Variants in CRTAC1 observed in about 807,000 individuals in gnomAD.
CRTAC1 encodes the protein cartilage acidic protein 1, also known as acidic secreted protein in cartilage.
CRTAC1 carries 37 observed loss-of-function variants against 67.8 expected under a neutral mutation model. That is an observed-to-expected ratio of 0.55 (90% CI 0.42 to 0.72). The LOEUF is 0.72. Ranked by LOEUF, CRTAC1 falls within the 30% of genes least tolerant of loss-of-function variation. CRTAC1 has a pLI of 0.00. For missense variants in CRTAC1, 780 were observed against 931.6 expected (o/e 0.84, Z 2.12); for synonymous variants, 348 against 371.0 (o/e 0.94, Z 0.71).
At chr10:97,868,179 T>G (rs951371639) in intron 14 of CRTAC1, 2 of 152,220 alleles carry the variant, frequency 1.3e-5, no homozygotes, top group Non-Finnish European at 2.9e-5. Context: ...CAGAGTTGTG[T>G]CTTGAATTTT....
Position 97,963,686 on chromosome 10 carries a change from T to G in CRTAC1, c.225-27320A>C, listed in dbSNP as rs553345138. 1.7e-4 allele frequency among the ~76,000 whole-genome samples: 26 copies of G among 152,390 alleles called. No individual in the cohort carries two copies. The South Asian group carries it at 3.1e-3, about 18-fold the overall frequency. On this transcript the variant is annotated intron_variant, in intron 2 of 14. Transcript: ENST00000370597. ...TCAGGAAGGTAGTATAATGCTTATT[T>G]GATTGTTATTGCTTGTTAGTACTAT...
At chr10:97,956,981 A>AT (rs56688088) in intron 2 of CRTAC1, among the ~76,000 whole-genome samples, 6,428 of 139,712 alleles carry the variant, frequency 0.046, 234 homozygotes, top group African/African-American at 0.11. Context: ...TAATACTTGT[A>AT]TTTTTTTTTT....
At chr10:97,917,715 C>A in intron 4 of CRTAC1, 59 bp from the exon 5 acceptor site, 2 of 1,378,650 alleles carry the variant, frequency 1.5e-6, no homozygotes, top group Non-Finnish European at 1.9e-6. Context: ...CCAGAAACCG[C>A]CCCCTCCCCA....
chr10:98,001,626 C>T (rs1842690146), intron 2 of CRTAC1, among the ~76,000 whole-genome samples: 1 of 152,098 alleles, frequency 6.6e-6, no homozygotes, highest in Admixed American at 6.5e-5. Context: ...AAAGAGATGT[C>T]AGTAAAATAC....
At chr10:98,012,829 C>T (rs922808778) in intron 1 of CRTAC1, among the ~76,000 whole-genome samples, 3 of 152,184 alleles carry the variant, frequency 2.0e-5, no homozygotes, top group Non-Finnish European at 4.4e-5. Context: ...AGTGTGTTCA[C>T]AGGGCACATG....
intron 14 of CRTAC1, chr10:97,878,806 A>G: frequency 2.3e-6 from 2 of 866,914 alleles, no homozygotes; most frequent in Non-Finnish European, 3.2e-6. Flanking sequence ...CATCTACATT[A>G]GGGAAACTGA....
At chr10:97,973,570 T>C (rs2051749501) in intron 2 of CRTAC1, among the ~76,000 whole-genome samples, 1 of 152,160 alleles carries the variant, frequency 6.6e-6, no homozygotes, top group Admixed American at 6.5e-5. Flanking sequence ...CCTTCCCCAC[T>C]GAAACTTTTC....
intron 2 of CRTAC1, among the ~76,000 whole-genome samples, chr10:97,936,824 A>G (rs534514125): frequency 6.5e-4 from 99 of 152,360 alleles, no homozygotes; most frequent in African/African-American, 2.4e-3. Context: ...GATGAGGTTT[A>G]TCAGGGAAAC....
chr10:97,922,798 G>A (rs2050859161), intron 4 of CRTAC1, among the ~76,000 whole-genome samples: 2 of 152,192 alleles, frequency 1.3e-5, no homozygotes, highest in Admixed American at 1.3e-4. Flanking sequence ...ACCCATCTAG[G>A]AACCCCTCCA....
chr10:97,956,154 A>G (rs536516284), intron 2 of CRTAC1, among the ~76,000 whole-genome samples: 2 of 152,356 alleles, frequency 1.3e-5, no homozygotes, highest in South Asian at 4.1e-4. Flanking sequence ...GTTCTTCCAC[A>G]TATTCCAAAA....
intron 2 of CRTAC1, among the ~76,000 whole-genome samples, chr10:98,010,498 T>A (rs1160866108): frequency 6.6e-6 from 1 of 152,178 alleles, no homozygotes; most frequent in Non-Finnish European, 1.5e-5. Context: ...CTCAAGGACA[T>A]AAAACTGGAA....
intron 1 of CRTAC1, among the ~76,000 whole-genome samples, chr10:98,016,852 C>T (rs57582782): frequency 0.042 from 6,393 of 151,238 alleles, 430 homozygotes; most frequent in African/African-American, 0.14. Context: ...ATAAAGAAAA[C>T]CTATTTATCT....
intron 2 of CRTAC1, among the ~76,000 whole-genome samples, chr10:97,967,051 G>A (rs1394243681): frequency 5.4e-5 from 8 of 148,500 alleles, no homozygotes; most frequent in African/African-American, 1.7e-4. Context: ...CGGCACCTAC[G>A]CAGGAGTAGG....
intron 2 of CRTAC1, among the ~76,000 whole-genome samples, chr10:98,005,100 A>ATATATTTTTTTTTTTTTTT: frequency 1.6e-4 from 8 of 48,882 alleles, no homozygotes; most frequent in Admixed American, 2.7e-4. Flanking sequence ...ATATATATAT[A>ATATATTTTTTTTTTTTTTT]TTTTTTTTTT....
chr10:97,991,065 A>C (rs1842441452), intron 2 of CRTAC1, among the ~76,000 whole-genome samples: 1 of 141,966 alleles, frequency 7.0e-6, no homozygotes, highest in Non-Finnish European at 1.5e-5. Context: ...GGAGTTTGAG[A>C]CCAATCTTGG....
At chr10:97,896,325 A>T (rs1214821492) in intron 9 of CRTAC1, among the ~76,000 whole-genome samples, 1 of 151,976 alleles carries the variant, frequency 6.6e-6, no homozygotes, top group Non-Finnish European at 1.5e-5. Flanking sequence ...TTGTCAATTT[A>T]CCAAGTGTTT....
chr10:97,876,979 G>T (rs1251483634), intron 14 of CRTAC1, among the ~76,000 whole-genome samples: 1 of 144,020 alleles, frequency 6.9e-6, no homozygotes, highest in Non-Finnish European at 1.5e-5. Flanking sequence ...TTTTGGTAAG[G>T]GGGTAGGTAA....
At position 97,865,611 on chromosome 10, in the gene CRTAC1, G is replaced by A. The variant is rs780609461; in HGVS notation, c.1923C>T (p.Val641=). 6.2e-7 allele frequency: 1 copy of A among 1,613,660 alleles called. No individual in the cohort carries two copies. The highest frequency in any genetic ancestry group is 8.5e-7 in the Non-Finnish European group (1 of 1,179,680). ...CCAGATTGAGATCTCCATCTACGAGGACCGGTGCAGCAGTGGCAGCTCCAG... is the reference window on the plus strand; with the variant it reads ...CCAGATTGAGATCTCCATCTACGAGAACCGGTGCAGCAGTGGCAGCTCCAG... ...AAAGAATAAP[V]LVDGDLNLGS... Residue 641 remains valine (V), a synonymous_variant, in exon 15 of 15, where the codon GTC becomes GTT. Coordinates refer to ENST00000370597, the MANE Select transcript of CRTAC1 (RefSeq NM_018058.7).
At position 97,939,936 on chromosome 10, in the gene CRTAC1, A is replaced by C. The variant is rs147431115; in HGVS notation, c.225-3570T>G. The stretch of plus-strand genomic sequence containing the variant: ...TGTTCCAACATCACTTTCCTCATTA[A>C]AACATGTGCTTCTTGAGCTCAGGAA... On this transcript the variant is annotated intron_variant, in intron 2 of 14. Coordinates refer to ENST00000370597, the MANE Select transcript of CRTAC1 (RefSeq NM_018058.7). 4.1e-3 allele frequency among the ~76,000 whole-genome samples: 625 copies of C among 152,224 alleles called. 3 individuals carry two copies. Among genetic ancestry groups the C allele is most frequent in the African/African-American group, 0.014 (565 of 41,524 alleles).
Sources: allele counts gnomAD v4.1 joint callset (sites outside exome capture counted in the v4.1 genomes callset), GRCh38; gene constraint gnomAD v4.1.1; transcripts MANE v1.5; gene names NCBI Gene and HGNC (gene_info 2026-07-23, HGNC 2026-07-21).